Variants in BSPRY observed in about 807,000 individuals in gnomAD.
BSPRY encodes the protein B-box and SPRY domain containing.
A neutral mutation model predicts 38.0 loss-of-function variants in BSPRY; 33 were observed. That is an observed-to-expected ratio of 0.87 (90% CI 0.66 to 1.16). BSPRY has a LOEUF of 1.16. Among genes scored for constraint, BSPRY ranks in the 50% most tolerant of loss-of-function variants. The pLI, the probability that BSPRY is intolerant of heterozygous loss-of-function variation, is 0.00. For synonymous variants in BSPRY, 224 were observed against 228.5 expected (o/e 0.98, Z 0.18); for missense variants, 523 against 533.2 (o/e 0.98, Z 0.19).
chr9:113,361,545 G>A (rs1450235372), intron 3 of BSPRY, among the ~76,000 whole-genome samples: 5 of 152,168 alleles, frequency 3.3e-5, no homozygotes, highest in African/African-American at 1.2e-4. Flanking sequence ...ACTCACCCAT[G>A]CTAGGGACGG....
chr9:113,360,197 C>T (rs537198590), intron 2 of BSPRY, among the ~76,000 whole-genome samples: 1 of 152,256 alleles, frequency 6.6e-6, no homozygotes, highest in East Asian at 1.9e-4. Context: ...CTTGTATTCC[C>T]AACTGTGATT....
chr9:113,368,087 G>GA (rs1834279533), intron 4 of BSPRY, among the ~76,000 whole-genome samples, 172 bp from the exon 5 acceptor site: 1 of 152,068 alleles, frequency 6.6e-6, no homozygotes, highest in East Asian at 1.9e-4. Context: ...CCCACATCAG[G>GA]CCTTCCAAAG....
intron 1 of BSPRY, among the ~76,000 whole-genome samples, chr9:113,352,110 C>T (rs533998610): frequency 6.6e-6 from 1 of 152,314 alleles, no homozygotes; most frequent in East Asian, 1.9e-4. Flanking sequence ...CGTGCCCGGC[C>T]AGCTTTCCCA....
chr9:113,365,973 T>C (rs1834244547), intron 4 of BSPRY, among the ~76,000 whole-genome samples: 1 of 152,010 alleles, frequency 6.6e-6, no homozygotes, highest in Non-Finnish European at 1.5e-5. Context: ...CCCAGCTAAT[T>C]TTTGTAATTT....
Position 113,360,486 on chromosome 9 carries a change from C to T in BSPRY, c.301-21C>T, listed in dbSNP as rs80087806. 296 of 1,573,144 alleles carry T rather than the reference C, an allele frequency of 1.9e-4. No individual in the cohort carries two copies. The African/African-American group carries it at 2.6e-3, about 14-fold the overall frequency. Reference sequence around the variant, plus strand: ...GGGGCTTTGCACAGACCACCCAACTCCTCATTTTATCCCTCATTAGAGCAT... The same window carrying T: ...GGGGCTTTGCACAGACCACCCAACTTCTCATTTTATCCCTCATTAGAGCAT... On this transcript the variant is annotated intron_variant, in intron 2 of 5. Transcript: ENST00000374183.
At position 113,370,323 on chromosome 9, in the gene BSPRY, G is replaced by A. The variant is rs142745413; in HGVS notation, c.*181G>A. 11,023 of 658,528 alleles carry A rather than the reference G, an allele frequency of 0.017. 121 individuals are homozygous for A. Among genetic ancestry groups the A allele is most frequent in the African/African-American group, 0.018 (978 of 53,276 alleles). 40.8% of individuals were successfully genotyped at this position (658,528 alleles called of 1,614,324 possible). A position where few individuals can be genotyped will look rare whatever the true frequency, so the allele number is the denominator to read the frequency against. ...ATCTAGGCATAACCTGTAAATCACA[G>A]GTGTCCAAACTTTTGGCTTCCCTGG... On this transcript the variant is annotated 3_prime_UTR_variant, in exon 6 of 6. Transcript: ENST00000374183. The surrounding 1 kb of genome is among the most constrained non-coding windows in gnomAD (Gnocchi z 4.8).
chr9:113,350,244 GAT>G (rs1052769502), intron 1 of BSPRY, among the ~76,000 whole-genome samples: 11 of 152,100 alleles, frequency 7.2e-5, no homozygotes, highest in Admixed American at 2.0e-4. Flanking sequence ...AACTGACACT[GAT>G]AAAATCCAGC....
At chr9:113,356,788 A>G (rs1423686888) in intron 2 of BSPRY, among the ~76,000 whole-genome samples, 1 of 152,172 alleles carries the variant, frequency 6.6e-6, no homozygotes, top group Non-Finnish European at 1.5e-5. Context: ...AACTGGCAGG[A>G]TGGAGCAGCC....
chr9:113,364,009 C>T (rs1035389240), intron 4 of BSPRY, among the ~76,000 whole-genome samples: 4 of 149,712 alleles, frequency 2.7e-5, no homozygotes, highest in Non-Finnish European at 4.4e-5. Flanking sequence ...GCCAATATGG[C>T]GAAAGAAACC....
chr9:113,356,482 C>T lies in BSPRY; in HGVS notation c.300+2144C>T, dbSNP rs544115381. On this transcript the variant is annotated intron_variant, in intron 2 of 5. Coordinates refer to ENST00000374183, the MANE Select transcript of BSPRY (RefSeq NM_017688.3). The stretch of plus-strand genomic sequence containing the variant: ...ACTGCGCACTGCACTGCAGCCTGGG[C>T]AACAGTGCGAGACTCTGTCTCAAAA... Among the ~76,000 whole-genome samples the T allele has an allele frequency of 2.2e-3, 325 of 148,496 alleles. 3 individuals carry two copies. The highest frequency in any genetic ancestry group is 7.7e-3 in the African/African-American group (305 of 39,672).
intron 2 of BSPRY, among the ~76,000 whole-genome samples, chr9:113,355,553 G>A (rs957458610): frequency 2.0e-5 from 3 of 150,832 alleles, no homozygotes; most frequent in Non-Finnish European, 4.4e-5. Flanking sequence ...TTATTTTCTT[G>A]TCTTACTGCA....
rs1834347371 is a variant in BSPRY, at chr9:113,371,158, A to G, written c.*1016A>G. 6.6e-6 allele frequency: 1 copy of G among 152,386 alleles called. No homozygotes were observed. Among genetic ancestry groups the G allele is most frequent in the African/African-American group, 2.4e-5 (1 of 41,598 alleles). 9.4% of individuals were successfully genotyped at this position (152,386 alleles called of 1,614,324 possible). A position where few individuals can be genotyped will look rare whatever the true frequency, so the allele number is the denominator to read the frequency against. On this transcript the variant is annotated 3_prime_UTR_variant, in exon 6 of 6. Coordinates refer to ENST00000374183, the MANE Select transcript of BSPRY (RefSeq NM_017688.3). ...CTGGGGTGATGGCTTAAAGCCAGAA[A>G]GAGCTGAGGGAGTTAAGAGGGCCAA...
intron 1 of BSPRY, among the ~76,000 whole-genome samples, chr9:113,351,407 C>G (rs1256333760): frequency 6.6e-6 from 1 of 152,242 alleles, no homozygotes. Context: ...AGTTCTACTG[C>G]TCTCCTACCT....
At chr9:113,355,935 G>A (rs1834050732) in intron 2 of BSPRY, among the ~76,000 whole-genome samples, 1 of 152,102 alleles carries the variant, frequency 6.6e-6, no homozygotes, top group Admixed American at 6.6e-5. Flanking sequence ...CTGACTTTAA[G>A]AGGAAAGCTA....
rs368410256 is a variant in BSPRY at position 113,362,174 on chromosome 9, G to GGTGGGT, written c.532-192_532-191insGGTGTG. ...TGATTCATTCTGAGCATGTGTTATGGGTGTGTGTGTGTGTGTGTGTGTGTG... is the reference window on the plus strand; with the variant it reads ...TGATTCATTCTGAGCATGTGTTATGGGTGGGTGTGTGTGTGTGTGTGTGTGTGTGTG... On this transcript the variant is annotated intron_variant, in intron 3 of 5. Coordinates refer to ENST00000374183, the MANE Select transcript of BSPRY (RefSeq NM_017688.3). 2.1e-5 allele frequency among the ~76,000 whole-genome samples: 3 copies of GGTGGGT among 141,344 alleles called. No homozygotes were observed. The East Asian group carries it at 6.3e-4, about 30-fold the overall frequency. The allele number at this position is 141,344 out of a possible 152,430, so 92.7% of individuals were successfully genotyped here.
At chr9:113,354,817 C>T (rs1364001810) in intron 2 of BSPRY, among the ~76,000 whole-genome samples, 2 of 152,108 alleles carry the variant, frequency 1.3e-5, no homozygotes, top group Non-Finnish European at 2.9e-5. Context: ...TCTTCTGTCT[C>T]CTAGGCTAGT....
At chr9:113,361,127 A>T (rs1038983918) in intron 3 of BSPRY, among the ~76,000 whole-genome samples, 1 of 151,692 alleles carries the variant, frequency 6.6e-6, no homozygotes, top group African/African-American at 2.4e-5. Flanking sequence ...CTTACCCCCA[A>T]TGTTTCCTCT....
intron 4 of BSPRY, among the ~76,000 whole-genome samples, chr9:113,366,937 C>T (rs915030219): frequency 2.6e-5 from 4 of 152,174 alleles, no homozygotes; most frequent in Admixed American, 6.5e-5. Flanking sequence ...TGTGTGTACT[C>T]GGAACCACTG....
At chr9:113,355,383 G>C (rs1834041209) in intron 2 of BSPRY, among the ~76,000 whole-genome samples, 1 of 152,164 alleles carries the variant, frequency 6.6e-6, no homozygotes, top group Non-Finnish European at 1.5e-5. Flanking sequence ...TTTCCTGACA[G>C]GACACTAGGG....
Sources: allele counts gnomAD v4.1 joint callset (sites outside exome capture counted in the v4.1 genomes callset), GRCh38; gene constraint gnomAD v4.1.1; non-coding constraint Gnocchi (gnomAD v3.1); transcripts MANE v1.5; gene names NCBI Gene and HGNC (gene_info 2026-07-23, HGNC 2026-07-21).